FAM184A: variants seen among roughly 807,000 people sequenced by gnomAD.
The protein encoded by FAM184A is family with sequence similarity 184 member A.
In FAM184A, 99 loss-of-function variants were observed where a neutral mutation model predicts 143.8. The observed-to-expected ratio is 0.69, with a 90% confidence interval of 0.58 to 0.81. The LOEUF is 0.81. Among genes scored for constraint, FAM184A ranks in the 40% least tolerant of loss-of-function variants. The probability of loss-of-function intolerance (pLI) is 0.00; values close to 1 mark genes in which losing one functional copy is unlikely to be tolerated. For missense variants in FAM184A, 1,217 were observed against 1,310.5 expected, an observed-to-expected ratio of 0.93 and a Z score of 1.10; for synonymous variants, 427 against 446.4, an observed-to-expected ratio of 0.96 and a Z score of 0.55.
At chr6:118,996,358 T>C (rs1440410971) in intron 9 of FAM184A, among the ~76,000 whole-genome samples, 9 of 152,212 alleles carry the variant, frequency 5.9e-5, no homozygotes, top group Non-Finnish European at 2.9e-5. Flanking sequence ...AATTCAGGAC[T>C]TGGCGTAGGA....
At chr6:119,015,463 A>G (rs957884846) in intron 5 of FAM184A, among the ~76,000 whole-genome samples, 5 of 152,112 alleles carry the variant, frequency 3.3e-5, no homozygotes, top group African/African-American at 1.2e-4. Flanking sequence ...GGGGCTTAGC[A>G]CCCGGGCCAG....
chr6:119,129,448 T>C (rs1789468265), intron 1 of FAM184A, among the ~76,000 whole-genome samples: 1 of 152,244 alleles, frequency 6.6e-6, no homozygotes, highest in Non-Finnish European at 1.5e-5. Flanking sequence ...TTCACTGAGA[T>C]GCATGTTGCC....
intron 9 of FAM184A, 52 bp downstream of exon 9, chr6:119,002,847 C>A (rs1784803653): frequency 1.4e-6 from 2 of 1,440,194 alleles, no homozygotes; most frequent in Non-Finnish European, 1.9e-6. Context: ...ATTTGCCTAG[C>A]CAGAGAATGT....
chr6:119,102,420 A>C (rs910684922), intron 1 of FAM184A, among the ~76,000 whole-genome samples: 6 of 152,144 alleles, frequency 3.9e-5, no homozygotes, highest in Non-Finnish European at 7.3e-5. Flanking sequence ...AGGCAATAGG[A>C]ATCATAGTAA....
intron 1 of FAM184A, among the ~76,000 whole-genome samples, chr6:119,129,550 A>C (rs1789471525): frequency 6.6e-6 from 1 of 152,104 alleles, no homozygotes; most frequent in South Asian, 2.1e-4. Context: ...AGCGCATTTT[A>C]TTTCAGTCCA....
intron 1 of FAM184A, among the ~76,000 whole-genome samples, chr6:119,034,035 TATATATAGAGAGAGAGAG>T (rs1403621460): frequency 0.012 from 407 of 34,244 alleles, 2 homozygotes; most frequent in African/African-American, 0.016. Context: ...TATATATATA[TATATATAGAGAGAGAGAG>T]AGAGAGAGAG....
intron 5 of FAM184A, among the ~76,000 whole-genome samples, chr6:119,015,676 A>G (rs1785224206): frequency 6.6e-6 from 1 of 152,126 alleles, no homozygotes; most frequent in African/African-American, 2.4e-5. Context: ...CACGGCGCCC[A>G]GTCCCATCGA....
At chr6:119,033,300 A>G (rs1050338323) in intron 1 of FAM184A, among the ~76,000 whole-genome samples, 1 of 152,100 alleles carries the variant, frequency 6.6e-6, no homozygotes, top group Non-Finnish European at 1.5e-5. Flanking sequence ...TTTCTTACCT[A>G]TTTTACTGGT....
intron 16 of FAM184A, chr6:118,963,308 AAGG>A (rs1179466967): frequency 6.6e-6 from 1 of 152,136 alleles, no homozygotes; most frequent in Non-Finnish European, 1.5e-5. Flanking sequence ...AATAAATGAA[AAGG>A]AGTATTTTTA....
intron 1 of FAM184A, among the ~76,000 whole-genome samples, chr6:119,147,933 G>A (rs1772507486): frequency 1.3e-5 from 2 of 152,214 alleles, no homozygotes; most frequent in Non-Finnish European, 2.9e-5. Flanking sequence ...CTTTCCCAGT[G>A]CTTTGCCTGT....
At chr6:119,018,707 T>C (rs1280500787) in intron 4 of FAM184A, among the ~76,000 whole-genome samples, 1 of 152,106 alleles carries the variant, frequency 6.6e-6, no homozygotes, top group Non-Finnish European at 1.5e-5. Context: ...TGCTAGGCAG[T>C]TGTGACTATA....
At chr6:119,010,843 G>T (rs547764345) in intron 6 of FAM184A, among the ~76,000 whole-genome samples, 1 of 151,970 alleles carries the variant, frequency 6.6e-6, no homozygotes, top group Non-Finnish European at 1.5e-5. Context: ...GAACTTTGCC[G>T]ATATGAGATT....
At position 119,003,610 on chromosome 6, in the gene FAM184A, G is replaced by T. The variant is rs374634699; in HGVS notation, c.1828C>A (p.Gln610Lys). The change falls in exon 8 of 18, where the codon CAA becomes AAA. Residue 610 changes from glutamine (Q) to lysine (K), a missense_variant. Transcript: ENST00000338891. ...ALLNVEGELEQERQQHEETIA... is the reference protein window; with the variant it reads ...ALLNVEGELEKERQQHEETIA... ...GTTTCTTCATGCTGTTGCCTTTCTT[G>T]TTCTAGCTCACCCTGAAGAATAAAA... is the stretch of plus-strand genomic sequence containing the variant. 1 of 1,610,732 alleles carries T rather than the reference G, an allele frequency of 6.2e-7. No homozygotes were observed.
At chr6:119,092,627 C>A (rs960512401) in intron 1 of FAM184A, among the ~76,000 whole-genome samples, 1 of 152,070 alleles carries the variant, frequency 6.6e-6, no homozygotes. Flanking sequence ...TATCTAACAG[C>A]CCTTGAAAGG....
At chr6:119,046,675 A>G (rs554447805) in intron 1 of FAM184A, among the ~76,000 whole-genome samples, 1 of 152,330 alleles carries the variant, frequency 6.6e-6, no homozygotes, top group East Asian at 1.9e-4. Flanking sequence ...GTCAATTATG[A>G]CTAACATTTC....
chr6:118,962,170 G>A (rs1783350381), intron 16 of FAM184A: 3 of 571,070 alleles, frequency 5.3e-6, no homozygotes, highest in Non-Finnish European at 9.3e-6. Context: ...AGACAGACAT[G>A]CTACCAGGGC....
rs149794479 is a variant in FAM184A at position 118,983,388 on chromosome 6, C to A, written c.2089-3038G>T. ...AAACTTTAACTCAAAAGATAAAAAACCTCTGCTTTAAAAGGTTTAGGCAAT... is the reference window on the plus strand; with the variant it reads ...AAACTTTAACTCAAAAGATAAAAAAACTCTGCTTTAAAAGGTTTAGGCAAT... On this transcript the variant is annotated intron_variant, in intron 9 of 17. Transcript: ENST00000338891. Among the ~76,000 whole-genome samples the A allele has an allele frequency of 1.8e-3, 281 of 151,958 alleles. 2 individuals are homozygous for A. Among genetic ancestry groups the A allele is most frequent in the African/African-American group, 6.3e-3 (263 of 41,480 alleles).
intron 1 of FAM184A, among the ~76,000 whole-genome samples, chr6:119,140,941 A>G (rs1772212816): frequency 6.6e-6 from 1 of 152,228 alleles, no homozygotes; most frequent in African/African-American, 2.4e-5. Flanking sequence ...TACTTATGCT[A>G]TTAGTAGCAT....
At chr6:118,998,200 A>C (rs1450232844) in intron 9 of FAM184A, among the ~76,000 whole-genome samples, 1 of 152,082 alleles carries the variant, frequency 6.6e-6, no homozygotes, top group East Asian at 1.9e-4. Context: ...CAACTTTAAT[A>C]TTTTCTTCTC....
Sources: allele counts gnomAD v4.1 joint callset (sites outside exome capture counted in the v4.1 genomes callset), GRCh38; gene constraint gnomAD v4.1.1; transcripts MANE v1.5; gene names NCBI Gene and HGNC (gene_info 2026-07-23, HGNC 2026-07-21).